The following CHODL variants were observed in gnomAD, a reference collection of about 807,000 sequenced individuals.
CHODL encodes transmembrane protein MT75.
CHODL carries 29 observed loss-of-function variants against 34.5 expected under a neutral mutation model. The observed-to-expected ratio is 0.84, with a 90% CI of 0.63 to 1.15. CHODL has a LOEUF of 1.15. Among genes scored for constraint, CHODL ranks in the 50% most tolerant of loss-of-function variants. The pLI, the probability that CHODL is intolerant of heterozygous loss-of-function variation, is 0.00. For missense variants in CHODL, 332 were observed against 332.5 expected (o/e 1.00, Z 0.01); for synonymous variants, 125 against 116.1 (o/e 1.08, Z -0.49).
chr21:18,090,368 G>T (rs75502184), intron 2 of CHODL, among the ~76,000 whole-genome samples: 3,207 of 152,258 alleles, frequency 0.021, 53 homozygotes, highest in Non-Finnish European at 0.035. Flanking sequence ...GAGCCTGCTG[G>T]TCAAGAAGCC....
chr21:18,069,027 G>C (rs1039152642), intron 2 of CHODL, among the ~76,000 whole-genome samples: 2 of 152,060 alleles, frequency 1.3e-5, no homozygotes, highest in Admixed American at 6.5e-5. Flanking sequence ...CATTCAGTAA[G>C]TTGTGTTATT....
intron 2 of CHODL, among the ~76,000 whole-genome samples, chr21:18,229,555 T>TC (rs2073960626): frequency 6.6e-6 from 1 of 152,174 alleles, no homozygotes; most frequent in African/African-American, 2.4e-5. Context: ...CCATGTCCTA[T>TC]CTCATTTCCT....
At chr21:18,233,315 A>G (rs1202926491) in intron 2 of CHODL, among the ~76,000 whole-genome samples, 1 of 152,086 alleles carries the variant, frequency 6.6e-6, no homozygotes, top group Non-Finnish European at 1.5e-5. Flanking sequence ...CACAGATGCT[A>G]GAGCCAGACT....
intron 2 of CHODL, among the ~76,000 whole-genome samples, chr21:18,170,427 A>T (rs1824817153): frequency 6.6e-6 from 1 of 152,064 alleles, no homozygotes; most frequent in Non-Finnish European, 1.5e-5. Context: ...GATTAAACAG[A>T]ATCTACATCT....
At chr21:18,243,982 A>C (rs1020845648), upstream of CHODL, among the ~76,000 whole-genome samples, 44 of 152,366 alleles carry the variant, frequency 2.9e-4, no homozygotes, top group African/African-American at 9.6e-4. Flanking sequence ...TTCAGAGTTC[A>C]TACTATGGAC....
At chr21:18,095,284 G>C (rs1390551670) in intron 2 of CHODL, among the ~76,000 whole-genome samples, 1 of 151,864 alleles carries the variant, frequency 6.6e-6, no homozygotes, top group Non-Finnish European at 1.5e-5. Context: ...GAAAAGGAGA[G>C]AAGATCCAAA....
chr21:18,229,416 T>G (rs1164675050), intron 2 of CHODL, among the ~76,000 whole-genome samples: 3 of 152,154 alleles, frequency 2.0e-5, no homozygotes, highest in African/African-American at 7.2e-5. Context: ...ATATCTGGCA[T>G]TCTGAGATCC....
chr21:17,960,373 A>G (rs1341717928), intron 1 of CHODL, among the ~76,000 whole-genome samples: 4 of 152,330 alleles, frequency 2.6e-5, no homozygotes, highest in East Asian at 3.9e-4. Flanking sequence ...GATAGATTAA[A>G]TGACTCCTCA....
intron 2 of CHODL, among the ~76,000 whole-genome samples, chr21:18,117,756 A>G (rs969969169): frequency 2.6e-5 from 4 of 151,982 alleles, no homozygotes; most frequent in Non-Finnish European, 5.9e-5. Flanking sequence ...ACAATGAAAT[A>G]GACATTTTAA....
chr21:18,059,626 A>G (rs1298142312), intron 2 of CHODL, among the ~76,000 whole-genome samples: 1 of 151,592 alleles, frequency 6.6e-6, no homozygotes. Context: ...TCCATTAGCT[A>G]TTCTTCCTGA....
intron 2 of CHODL, among the ~76,000 whole-genome samples, chr21:18,171,090 T>A (rs572410175): frequency 1.4e-5 from 2 of 142,142 alleles, no homozygotes; most frequent in Non-Finnish European, 3.0e-5. Flanking sequence ...TCAATTATTT[T>A]GGTAATTTAT....
intron 2 of CHODL, among the ~76,000 whole-genome samples, chr21:18,118,389 C>G (rs1263628346): frequency 6.6e-6 from 1 of 152,098 alleles, no homozygotes; most frequent in Non-Finnish European, 1.5e-5. Context: ...AGTCTCTCCT[C>G]AAAAATACTA....
chr21:17,939,299 T>C (rs1464900749), intron 1 of CHODL, among the ~76,000 whole-genome samples: 1 of 152,222 alleles, frequency 6.6e-6, no homozygotes, highest in Non-Finnish European at 1.5e-5. Context: ...TTGACTATTT[T>C]AGACACTGAA....
rs538210773 is a variant in CHODL at position 17,949,303 on chromosome 21, G to A, written c.-145+31903G>A. 4.5e-4 allele frequency among the ~76,000 whole-genome samples: 68 copies of A among 152,270 alleles called. No homozygotes were observed. In the South Asian group the frequency reaches 0.013, roughly 30 times the overall value. On this transcript the variant is annotated intron_variant, in intron 1 of 6. Coordinates refer to the CHODL transcript ENST00000400127. ...AATTGTCTGAGTGAGAAGTATAAAA[G>A]TGTATCTACTGGAAATGCAAGCTAA... is the stretch of plus-strand genomic sequence containing the variant.
chr21:18,028,368 C>G (rs1397466370), intron 2 of CHODL, among the ~76,000 whole-genome samples: 1 of 146,448 alleles, frequency 6.8e-6, no homozygotes, highest in African/African-American at 2.5e-5. Flanking sequence ...AACTTATTAT[C>G]TATTTTTACA....
rs962196828 is a variant in CHODL at position 18,003,691 on chromosome 21, G to GTC, written c.-144-24171_-144-24170dup. Among the ~76,000 whole-genome samples, 3 of 152,030 alleles carry GTC rather than the reference G, an allele frequency of 2.0e-5. No individual in the cohort carries two copies. The South Asian group carries it at 6.2e-4, about 32-fold the overall frequency. On this transcript the variant is annotated intron_variant, in intron 1 of 6. Coordinates refer to the CHODL transcript ENST00000400127. ...TTTTTTTTCCTGTTTCTTTCTGTCT[G>GTC]TCTCTCTCTCTTTTTTAAAGAATTG...
intron 5 of CHODL, among the ~76,000 whole-genome samples, chr21:18,265,271 A>ATG (rs2074443213): frequency 8.2e-6 from 1 of 121,730 alleles, no homozygotes; most frequent in African/African-American, 3.8e-5. Flanking sequence ...GTATATATAT[A>ATG]TGTGTGTGTA....
chr21:18,095,804 C>T (rs578155891), intron 2 of CHODL, among the ~76,000 whole-genome samples: 41 of 152,288 alleles, frequency 2.7e-4, no homozygotes, highest in African/African-American at 9.6e-4. Flanking sequence ...GATTATTTAT[C>T]ATGACCCAGT....
At chr21:18,265,430 C>T (rs1248377399) in intron 5 of CHODL, among the ~76,000 whole-genome samples, 2 of 151,938 alleles carry the variant, frequency 1.3e-5, no homozygotes, top group East Asian at 3.9e-4. Flanking sequence ...GAATGAAAAA[C>T]TAAGCATCGT....
Sources: allele counts gnomAD v4.1 joint callset (sites outside exome capture counted in the v4.1 genomes callset), GRCh38; gene constraint gnomAD v4.1.1; transcripts MANE v1.5; gene names NCBI Gene and HGNC (gene_info 2026-07-23, HGNC 2026-07-21).